RERE: variants seen among roughly 807,000 people sequenced by gnomAD.
The protein encoded by RERE is arginine-glutamic acid dipeptide repeats protein.
RERE carries 40 observed loss-of-function variants against 146.1 expected under a neutral mutation model. The ratio of observed to expected loss-of-function variants is 0.27; its 90% CI spans 0.21 to 0.36. The LOEUF is 0.36. Among genes scored for constraint, RERE ranks in the 10% least tolerant of loss-of-function variants. RERE has a pLI of 1.00. For missense variants in RERE, 1,933 were observed against 2,138.7 expected, an observed-to-expected ratio of 0.90 and a Z score of 1.90; for synonymous variants, 1,003 against 866.0, an observed-to-expected ratio of 1.16 and a Z score of -2.78.
intron 9 of RERE, among the ~76,000 whole-genome samples, chr1:8,496,927 C>T (rs1557658540): frequency 6.6e-6 from 1 of 152,130 alleles, no homozygotes; most frequent in Non-Finnish European, 1.5e-5. Flanking sequence ...CAGAACGTGT[C>T]GGTTTGTTAC....
intron 2 of RERE, among the ~76,000 whole-genome samples, chr1:8,628,856 C>T (rs1647003604): frequency 6.6e-6 from 1 of 152,102 alleles, no homozygotes; most frequent in South Asian, 2.1e-4. Context: ...ATGTCTGAAG[C>T]TGGTTATAAA....
At chr1:8,769,705 G>T (rs1360565205) in intron 1 of RERE, among the ~76,000 whole-genome samples, 1 of 152,036 alleles carries the variant, frequency 6.6e-6, no homozygotes, top group East Asian at 1.9e-4. Flanking sequence ...TCGAACTCCT[G>T]GACTCAAGCG....
chr1:8,582,305 CA>C (rs1646375838), intron 4 of RERE, among the ~76,000 whole-genome samples: 1 of 151,904 alleles, frequency 6.6e-6, no homozygotes, highest in Non-Finnish European at 1.5e-5. Context: ...CTCCTGGGTT[CA>C]AGCAATCCTA....
intron 2 of RERE, among the ~76,000 whole-genome samples, chr1:8,631,820 T>C (rs6674832): frequency 0.59 from 90,126 of 152,020 alleles, 27,306 homozygotes; most frequent in East Asian, 0.83. Context: ...TGTAAGAGAA[T>C]AAAAGTAATC....
At chr1:8,686,732 A>G (rs1283526179) in intron 1 of RERE, among the ~76,000 whole-genome samples, 1 of 152,196 alleles carries the variant, frequency 6.6e-6, no homozygotes, top group Non-Finnish European at 1.5e-5. Flanking sequence ...CCTAGGCGAC[A>G]AGAGCGAAAC....
chr1:8,407,753 T>C (rs1290577349), intron 12 of RERE, among the ~76,000 whole-genome samples: 1 of 152,196 alleles, frequency 6.6e-6, no homozygotes, highest in African/African-American at 2.4e-5. Context: ...GAAAGAGCTA[T>C]AAATACAAGG....
intron 11 of RERE, among the ~76,000 whole-genome samples, chr1:8,457,379 C>T (rs780041499): frequency 1.1e-4 from 17 of 152,302 alleles, no homozygotes; most frequent in South Asian, 2.1e-4. Flanking sequence ...CACTAGAATT[C>T]ACCTATATAA....
At position 8,481,486 on chromosome 1, in the gene RERE, T is replaced by G. The variant is rs1644833575; in HGVS notation, c.1104+13577A>C. Among the ~76,000 whole-genome samples, 3 of 152,250 alleles carry G rather than the reference T, an allele frequency of 2.0e-5. No individual in the cohort carries two copies. In the South Asian group the frequency reaches 6.2e-4, roughly 31 times the overall value. ...TTTAAACCAAGTTTAAATAGTTATG[T>G]ATATAAATATTGTGTATATAAATAA... On this transcript the variant is annotated intron_variant, in intron 10 of 22. Coordinates refer to ENST00000400908, the MANE Select transcript of RERE (RefSeq NM_001042681.2).
Position 8,454,426 on chromosome 1 carries a change from C to T in RERE, c.1203+11499G>A, listed in dbSNP as rs80243409. 8.0e-3 allele frequency among the ~76,000 whole-genome samples: 1,213 copies of T among 152,226 alleles called. 13 individuals carry two copies. The highest frequency in any genetic ancestry group is 0.028 in the African/African-American group (1,159 of 41,514). On this transcript the variant is annotated intron_variant, in intron 11 of 22. Transcript: ENST00000400908. The stretch of plus-strand genomic sequence containing the variant: ...AGACCAAGATGGGCTTAATCCTGAC[C>T]TCCTGTCAAACACAGCTGCCAGCAC...
chr1:8,488,421 T>C (rs1042280138), intron 10 of RERE, among the ~76,000 whole-genome samples: 3 of 152,074 alleles, frequency 2.0e-5, no homozygotes, highest in African/African-American at 4.8e-5. Context: ...AATTTTTATA[T>C]TTTTAGTAGA....
intron 4 of RERE, among the ~76,000 whole-genome samples, chr1:8,568,303 T>C (rs71641052): frequency 0.14 from 20,850 of 152,272 alleles, 1,998 homozygotes; most frequent in Non-Finnish European, 0.2. Flanking sequence ...AGTTGTACTA[T>C]AGGTTCCTTT....
chr1:8,726,755 A>AT (rs1639977025), intron 1 of RERE, among the ~76,000 whole-genome samples: 1 of 152,212 alleles, frequency 6.6e-6, no homozygotes, highest in South Asian at 2.1e-4. Context: ...TCTAATCATA[A>AT]GACTCTTCTA....
intron 3 of RERE, among the ~76,000 whole-genome samples, chr1:8,620,145 G>C (rs1221931140): frequency 1.3e-5 from 2 of 152,220 alleles, no homozygotes; most frequent in Non-Finnish European, 2.9e-5. Context: ...AAAAGCTATG[G>C]GAGGGCAGCA....
chr1:8,559,421 A>G (rs2124429876), intron 4 of RERE, among the ~76,000 whole-genome samples: 1 of 152,120 alleles, frequency 6.6e-6, no homozygotes, highest in African/African-American at 2.4e-5. Flanking sequence ...CACTGGTTTA[A>G]TTACACTTTA....
At chr1:8,357,445 T>C (rs1641338415) in intron 20 of RERE, among the ~76,000 whole-genome samples, 1 of 152,218 alleles carries the variant, frequency 6.6e-6, no homozygotes, top group Non-Finnish European at 1.5e-5. Flanking sequence ...GGCCCTGCTC[T>C]ATCAGTCATC....
intron 10 of RERE, among the ~76,000 whole-genome samples, chr1:8,494,509 A>G (rs537953349): frequency 6.6e-6 from 1 of 152,196 alleles, no homozygotes; most frequent in South Asian, 2.1e-4. Context: ...GGAGGATCAC[A>G]AGGTCAGGAG....
intron 12 of RERE, among the ~76,000 whole-genome samples, chr1:8,414,312 A>C (rs767239195): frequency 1.3e-5 from 2 of 152,044 alleles, no homozygotes; most frequent in Non-Finnish European, 2.9e-5. Flanking sequence ...TTTGGGAGGC[A>C]GAGGCGGGCG....
rs1557553356 is a variant in RERE, at chr1:8,805,007, G to GTTTTTTTTTTTTTTTTTTTTT, written c.-145+12152_-145+12153insAAAAAAAAAAAAAAAAAAAAA. Among the ~76,000 whole-genome samples the GTTTTTTTTTTTTTTTTTTTTT allele has an allele frequency of 1.1e-4, 7 of 61,364 alleles. 2 individuals carry two copies. Among genetic ancestry groups the GTTTTTTTTTTTTTTTTTTTTT allele is most frequent in the Non-Finnish European group, 6.3e-5 (2 of 31,894 alleles). The allele number at this position is 61,364 out of a possible 152,430, so 40.3% of individuals were successfully genotyped here. ...ATTTTTTTTGTTTTGTTTTGTTTTT[G>GTTTTTTTTTTTTTTTTTTTTT]GTTTTTTTTTTTTTTTTTTTTGAGA... is the stretch of plus-strand genomic sequence containing the variant. On this transcript the variant is annotated intron_variant, in intron 1 of 22. Coordinates refer to ENST00000400908, the MANE Select transcript of RERE (RefSeq NM_001042681.2).
Position 8,360,871 on chromosome 1 carries a change from G to A in RERE, c.2636C>T (p.Ser879Phe). 1 of 1,524,160 alleles carries A rather than the reference G, an allele frequency of 6.6e-7. No individual in the cohort carries two copies. Among genetic ancestry groups the A allele is most frequent in the Non-Finnish European group, 8.8e-7 (1 of 1,141,806 alleles). The allele number at this position is 1,524,160 out of a possible 1,614,324, so 94.4% of individuals were successfully genotyped here. A position where few individuals can be genotyped will look rare whatever the true frequency, so the allele number is the denominator to read the frequency against. Residue 879 changes from serine to phenylalanine, a missense_variant, in exon 18 of 23, where the codon TCC becomes TTC. Around this residue, in one of 11 missense-constraint regions of RERE, gnomAD observed 1,255 missense variants for 1,153.8 expected, o/e 1.09. Coordinates refer to ENST00000400908, the MANE Select transcript of RERE (RefSeq NM_001042681.2). ...GGTCCCCAGAGGGGCCTGGCCTTGG[G>A]AGGCCTGGGGAGGGAGGCCAAAGGG... ...PQPFGLPPQA[S>F]QGQAPLGTSP...
Sources: gnomAD v4.1 joint callset for allele counts (sites outside exome capture counted in the v4.1 genomes callset) on GRCh38, gnomAD v4.1.1 for gene constraint, gnomAD v4.1.1 regional missense constraint, MANE v1.5 for transcripts, NCBI Gene and HGNC (gene_info 2026-07-23, HGNC 2026-07-21) for gene names.